Variants in ZNF33B observed in about 807,000 individuals in gnomAD.
The protein encoded by ZNF33B is zinc finger protein 11b (KOX 2).
ZNF33B carries 29 observed loss-of-function variants against 45.8 expected under a neutral mutation model. That is an observed-to-expected ratio of 0.63 (90% CI 0.47 to 0.86). The LOEUF is 0.86. Ranked by LOEUF, ZNF33B falls within the 40% of genes least tolerant of loss-of-function variation. ZNF33B has a pLI of 0.00. For missense variants in ZNF33B, 831 were observed against 909.9 expected (o/e 0.91, Z 1.12); for synonymous variants, 305 against 307.8 (o/e 0.99, Z 0.10).
intron 4 of ZNF33B, among the ~76,000 whole-genome samples, chr10:42,627,428 T>G (rs185633695): frequency 6.6e-6 from 1 of 152,260 alleles, no homozygotes; most frequent in African/African-American, 2.4e-5. Flanking sequence ...TCATTTTATA[T>G]TTTTAATCAA....
chr10:42,611,404 T>C (rs1210744354), intron 4 of ZNF33B, among the ~76,000 whole-genome samples: 1 of 152,102 alleles, frequency 6.6e-6, no homozygotes, highest in African/African-American at 2.4e-5. Flanking sequence ...AACTGAATAT[T>C]TGTATGAAAA....
At chr10:42,618,652 C>T (rs1276568970) in intron 4 of ZNF33B, among the ~76,000 whole-genome samples, 1 of 152,134 alleles carries the variant, frequency 6.6e-6, no homozygotes, top group Non-Finnish European at 1.5e-5. Flanking sequence ...TTCATTATGA[C>T]GTGTCTGGGT....
At chr10:42,634,162 T>A (rs1839182587) in intron 2 of ZNF33B, among the ~76,000 whole-genome samples, 1 of 152,050 alleles carries the variant, frequency 6.6e-6, no homozygotes, top group Admixed American at 6.5e-5. Flanking sequence ...CCTAGTACTT[T>A]GGGAGGTAAA....
chr10:42,601,287 T>C (rs1589034452), intron 4 of ZNF33B, among the ~76,000 whole-genome samples: 1 of 152,102 alleles, frequency 6.6e-6, no homozygotes, highest in East Asian at 1.9e-4. Flanking sequence ...TCATGCCTCT[T>C]GTGCTCAGGG....
chr10:42,593,655 T>C lies in ZNF33B; in HGVS notation c.1295A>G (p.Gln432Arg). ...GGGTTTCTGCCCTGTGTGTGTTCTC[T>C]GATGTTTAGTGAGGTCAGATTTCTG... The part of the protein sequence containing the change: ...FYQKSDLTKH[Q>R]RTHTGQKPYE... The change falls in exon 5 of 5, where the codon CAG (glutamine) becomes CGG (arginine). Residue 432 changes from glutamine (Q) to arginine (R), a missense_variant. Physicochemically the swap from Gln to Arg is conservative, Grantham distance 43. Coordinates refer to ENST00000359467, the MANE Select transcript of ZNF33B (RefSeq NM_006955.3). 1.2e-6 allele frequency: 2 copies of C among 1,614,124 alleles called. No homozygotes were observed. Among genetic ancestry groups the C allele is most frequent in the Non-Finnish European group, 8.5e-7 (1 of 1,179,984 alleles).
chr10:42,600,760 C>T (rs1235279283), intron 4 of ZNF33B, among the ~76,000 whole-genome samples: 1 of 152,132 alleles, frequency 6.6e-6, no homozygotes, highest in Non-Finnish European at 1.5e-5. Context: ...ACTTCTTTTT[C>T]ATAGCCTTTT....
At chr10:42,635,183 G>T (rs1404292313) in intron 2 of ZNF33B, among the ~76,000 whole-genome samples, 1 of 151,652 alleles carries the variant, frequency 6.6e-6, no homozygotes, top group Non-Finnish European at 1.5e-5. Flanking sequence ...AGAGGCTGCA[G>T]TGAGCCAAGA....
At chr10:42,616,561 T>C (rs993895770) in intron 4 of ZNF33B, among the ~76,000 whole-genome samples, 5 of 152,192 alleles carry the variant, frequency 3.3e-5, no homozygotes, top group Admixed American at 3.3e-4. Context: ...TTATTATTTT[T>C]TTCTTGTCTG....
rs1837163630 is a variant in ZNF33B at position 42,592,342 on chromosome 10, G to C, written c.*271C>G. 2 of 612,428 alleles carry C rather than the reference G, an allele frequency of 3.3e-6. No individual in the cohort carries two copies. Among genetic ancestry groups the C allele is most frequent in the Non-Finnish European group, 4.8e-6 (2 of 418,634 alleles). 37.9% of individuals were successfully genotyped at this position (612,428 alleles called of 1,614,324 possible). On this transcript the variant is annotated 3_prime_UTR_variant, in exon 5 of 5. Transcript: ENST00000359467. ...CTAACATAATCCTATTTGTAGTTTT[G>C]CCAAAAACTTTCACAAATTCAAAAA...
intron 1 of ZNF33B, among the ~76,000 whole-genome samples, chr10:42,578,016 TCA>T (rs1165853706): frequency 1.3e-5 from 2 of 152,136 alleles, no homozygotes; most frequent in Admixed American, 1.3e-4. Flanking sequence ...CCTCCTCTAG[TCA>T]CAGAGAGGAT....
intron 4 of ZNF33B, among the ~76,000 whole-genome samples, chr10:42,598,871 G>A (rs187300095): frequency 6.6e-4 from 100 of 152,232 alleles, no homozygotes; most frequent in African/African-American, 2.2e-3. Flanking sequence ...GTCTCTGTCT[G>A]GTTTTGTTAT....
At chr10:42,599,243 G>C (rs1213287796) in intron 4 of ZNF33B, among the ~76,000 whole-genome samples, 2 of 151,936 alleles carry the variant, frequency 1.3e-5, no homozygotes, top group African/African-American at 4.8e-5. Flanking sequence ...TCTTCTCAAT[G>C]AAACAGCTTT....
Position 42,592,763 on chromosome 10 carries a change from G to T in ZNF33B, c.2187C>A (p.Ile729=), listed in dbSNP as rs1260489619. The T allele has an allele frequency of 6.2e-7, 1 of 1,613,980 alleles. No homozygotes were observed. Among genetic ancestry groups the T allele is most frequent in the Admixed American group, 1.7e-5 (1 of 59,998 alleles). Reference sequence around the variant, plus strand: ...TAGCAAGGTCTGATTTACGGTAAAAGATTTTTCCACATTCATTACACTGAC... The same window carrying T: ...TAGCAAGGTCTGATTTACGGTAAAATATTTTTCCACATTCATTACACTGAC... ...KSCQCNECGK[I]FYRKSDLAKH... Residue 729 remains isoleucine, a synonymous_variant, in exon 5 of 5, where the codon ATC becomes ATA. Coordinates refer to ENST00000359467, the MANE Select transcript of ZNF33B (RefSeq NM_006955.3).
intron 4 of ZNF33B, among the ~76,000 whole-genome samples, chr10:42,627,093 C>T (rs1838843666): frequency 6.6e-6 from 1 of 151,932 alleles, no homozygotes; most frequent in Non-Finnish European, 1.5e-5. Context: ...ACCTCCCACT[C>T]CCTGGGTTCA....
At chr10:42,587,534 A>G (rs532691100), downstream of ZNF33B, among the ~76,000 whole-genome samples, 2 of 152,256 alleles carry the variant, frequency 1.3e-5, no homozygotes, top group South Asian at 4.1e-4. Context: ...CGATTTGTTG[A>G]GCCACTGCAC....
At chr10:42,609,592 T>C (rs1296807432) in intron 4 of ZNF33B, among the ~76,000 whole-genome samples, 2 of 152,140 alleles carry the variant, frequency 1.3e-5, no homozygotes, top group Non-Finnish European at 2.9e-5. Flanking sequence ...ATCCCATTAC[T>C]ACCCTGGTAC....
downstream of ZNF33B, among the ~76,000 whole-genome samples, chr10:42,585,466 T>C (rs574198336): frequency 6.6e-6 from 1 of 152,302 alleles, no homozygotes; most frequent in South Asian, 2.1e-4. Context: ...GGTGCTATAT[T>C]TCATCTTGAT....
intron 2 of ZNF33B, among the ~76,000 whole-genome samples, chr10:42,635,497 G>A (rs1422297519): frequency 2.0e-5 from 3 of 152,108 alleles, no homozygotes; most frequent in Admixed American, 6.5e-5. Flanking sequence ...AAATGTAGGG[G>A]TTTTTCCATC....
intron 4 of ZNF33B, among the ~76,000 whole-genome samples, chr10:42,617,786 A>T (rs1242227617): frequency 2.0e-5 from 3 of 151,762 alleles, no homozygotes; most frequent in Admixed American, 6.6e-5. Context: ...TTACACAAAT[A>T]ACAGATCATG....
Sources: gnomAD v4.1 joint callset for allele counts (sites outside exome capture counted in the v4.1 genomes callset) on GRCh38, gnomAD v4.1.1 for gene constraint, MANE v1.5 for transcripts, NCBI Gene and HGNC (gene_info 2026-07-23, HGNC 2026-07-21) for gene names.